Variants in AGPAT5 observed in about 807,000 individuals in gnomAD.
AGPAT5 encodes 1-acylglycerol-3-phosphate O-acyltransferase 5, also known as 1-acyl-sn-glycerol-3-phosphate acyltransferase epsilon.
In AGPAT5, 46 loss-of-function variants were observed where a neutral mutation model predicts 45.6. The ratio of observed to expected loss-of-function variants is 1.01; its 90% confidence interval spans 0.80 to 1.29. The LOEUF (loss-of-function observed/expected upper bound fraction) is 1.29. Ranked by LOEUF, AGPAT5 falls within the 50% of genes most tolerant of loss-of-function variation. The probability of loss-of-function intolerance (pLI) is 0.00; values close to 1 mark genes in which losing one functional copy is unlikely to be tolerated. For missense variants in AGPAT5, 673 were observed against 450.7 expected, an observed-to-expected ratio of 1.49 and a Z score of -4.47; for synonymous variants, 272 against 167.0, an observed-to-expected ratio of 1.63 and a Z score of -4.85.
chr8:6,743,238 T>G (rs1390543285), intron 5 of AGPAT5, among the ~76,000 whole-genome samples: 15 of 152,242 alleles, frequency 9.9e-5, no homozygotes. Flanking sequence ...AATTTCACTT[T>G]TTGTTTCTCA....
intron 1 of AGPAT5, among the ~76,000 whole-genome samples, chr8:6,720,204 G>C (rs897571065): frequency 6.6e-6 from 1 of 152,214 alleles, no homozygotes. Context: ...CAGTGATCCA[G>C]CTAACCGAGG....
At chr8:6,742,054 G>T (rs1184593052) in intron 5 of AGPAT5, among the ~76,000 whole-genome samples, 1 of 152,178 alleles carries the variant, frequency 6.6e-6, no homozygotes, top group African/African-American at 2.4e-5. Context: ...TTTTTCTACA[G>T]TGTATGGGTT....
intron 4 of AGPAT5, 92 bp from the exon 5 acceptor site, chr8:6,741,569 C>A: frequency 1.2e-6 from 1 of 805,722 alleles, no homozygotes; most frequent in Non-Finnish European, 2.0e-6. Flanking sequence ...AGGAAATACT[C>A]TGTTAGCATT....
chr8:6,711,423 A>G (rs925116793), intron 1 of AGPAT5, among the ~76,000 whole-genome samples: 5 of 152,248 alleles, frequency 3.3e-5, no homozygotes, highest in African/African-American at 1.2e-4. Context: ...AGGTCCTTCC[A>G]GAATCTCTCA....
intron 7 of AGPAT5, among the ~76,000 whole-genome samples, chr8:6,756,295 C>CA (rs1362084521): frequency 6.6e-6 from 1 of 152,086 alleles, no homozygotes; most frequent in Non-Finnish European, 1.5e-5. Context: ...ATGGATTCCA[C>CA]ATTCATGGAT....
In AGPAT5 at chr8:6,726,325, T is replaced by A. The variant is rs570504228; in HGVS notation, c.289+1386T>A. On this transcript the variant is annotated intron_variant, in intron 2 of 7. Transcript: ENST00000285518. The stretch of plus-strand genomic sequence containing the variant: ...GGGAATGGCTCTTGATAGATTTGAT[T>A]TTCCTGCATTTCCTTTATTTTGATC... Among the ~76,000 whole-genome samples the A allele has an allele frequency of 2.6e-5, 4 of 152,364 alleles. No homozygotes were observed. The South Asian group carries it at 8.3e-4, about 32-fold the overall frequency.
intron 4 of AGPAT5, among the ~76,000 whole-genome samples, chr8:6,737,419 G>C (rs12676235): frequency 6.6e-6 from 1 of 151,906 alleles, no homozygotes; most frequent in Non-Finnish European, 1.5e-5. Context: ...GTTCTTATTC[G>C]GTATTAGTAT....
At chr8:6,731,026 G>A (rs912764813) in intron 3 of AGPAT5, among the ~76,000 whole-genome samples, 200 bp downstream of exon 3, 1 of 151,738 alleles carries the variant, frequency 6.6e-6, no homozygotes, top group East Asian at 1.9e-4. Context: ...CCACCATCAT[G>A]CCCGGCTAAA....
At chr8:6,710,373 G>A (rs1165636403) in intron 1 of AGPAT5, among the ~76,000 whole-genome samples, 1 of 152,144 alleles carries the variant, frequency 6.6e-6, no homozygotes, top group African/African-American at 2.4e-5. Flanking sequence ...CCCACCGTCT[G>A]TTCAAATCAA....
intron 4 of AGPAT5, among the ~76,000 whole-genome samples, chr8:6,739,350 T>A (rs1170643880): frequency 6.6e-6 from 1 of 152,150 alleles, no homozygotes; most frequent in African/African-American, 2.4e-5. Context: ...TTCATTTTGA[T>A]TGTATTGAAG....
Position 6,747,689 on chromosome 8 carries a change from T to A in AGPAT5, c.606T>A (p.His202Gln). The change falls in exon 6 of 8, where the codon CAT (histidine) becomes CAA (glutamine). Residue 202 changes from histidine to glutamine, a missense_variant. Transcript: ENST00000285518. Reference sequence around the variant, plus strand: ...TTCTAGGCCTTGCAGTATTAAAACATGTGCTAACACCACGAATAAAGGCAA... The same window carrying A: ...TTCTAGGCCTTGCAGTATTAAAACAAGTGCTAACACCACGAATAAAGGCAA... The part of the protein sequence containing the change: ...AAQRGLAVLK[H>Q]VLTPRIKATH... The A allele has an allele frequency of 6.2e-7, 1 of 1,613,986 alleles. No individual in the cohort carries two copies.
chr8:6,716,406 C>G (rs1800330059), intron 1 of AGPAT5, among the ~76,000 whole-genome samples: 1 of 151,926 alleles, frequency 6.6e-6, no homozygotes. Flanking sequence ...CAAAAAAATA[C>G]AAACACTTAC....
intron 1 of AGPAT5, among the ~76,000 whole-genome samples, chr8:6,719,300 C>A (rs555554431): frequency 3.1e-4 from 47 of 152,190 alleles, no homozygotes; most frequent in African/African-American, 1.0e-3. Context: ...TCAGTTAGTT[C>A]AGTATGGCAA....
chr8:6,722,296 G>A (rs956414273), intron 1 of AGPAT5, among the ~76,000 whole-genome samples: 4 of 152,158 alleles, frequency 2.6e-5, no homozygotes, highest in Non-Finnish European at 5.9e-5. Context: ...TGTCTCAGGT[G>A]CCTTCAGCTC....
intron 1 of AGPAT5, among the ~76,000 whole-genome samples, chr8:6,715,865 T>G (rs1800311519): frequency 2.0e-5 from 3 of 152,220 alleles, no homozygotes; most frequent in Non-Finnish European, 4.4e-5. Flanking sequence ...TGAACATGCG[T>G]AATTAACATG....
intron 1 of AGPAT5, among the ~76,000 whole-genome samples, chr8:6,711,186 T>C (rs920922115): frequency 3.9e-5 from 6 of 152,238 alleles, no homozygotes; most frequent in African/African-American, 1.2e-4. Flanking sequence ...TTCTTTTACA[T>C]AGAATTTTTA....
chr8:6,728,230 C>G (rs1348648607), intron 2 of AGPAT5, among the ~76,000 whole-genome samples: 1 of 152,128 alleles, frequency 6.6e-6, no homozygotes, highest in East Asian at 1.9e-4. Flanking sequence ...TCTCACACAG[C>G]CAAATTTATT....
In AGPAT5 at chr8:6,757,645, T is replaced by A. The variant is rs1209653507; in HGVS notation, c.*257T>A. 3 of 348,542 alleles carry A rather than the reference T, an allele frequency of 8.6e-6. No homozygotes were observed. Among genetic ancestry groups the A allele is most frequent in the African/African-American group, 6.2e-5 (3 of 48,130 alleles). The allele number at this position is 348,542 out of a possible 1,614,324, so 21.6% of individuals were successfully genotyped here. A position where few individuals can be genotyped will look rare whatever the true frequency, so the allele number is the denominator to read the frequency against. ...TTTCTCCTGCTCTGTCCATTTCCTA[T>A]GAACTAATGACAACTTGAGAAGGCT... On this transcript the variant is annotated 3_prime_UTR_variant, in exon 8 of 8. Transcript: ENST00000285518.
chr8:6,740,325 A>T (rs977497896), intron 4 of AGPAT5, among the ~76,000 whole-genome samples: 4 of 151,908 alleles, frequency 2.6e-5, no homozygotes, highest in Admixed American at 1.3e-4. Flanking sequence ...TGGTGTTTGG[A>T]ACTAGCTTTA....
Sources: gnomAD v4.1 joint callset for allele counts (sites outside exome capture counted in the v4.1 genomes callset) on GRCh38, gnomAD v4.1.1 for gene constraint, MANE v1.5 for transcripts, NCBI Gene and HGNC (gene_info 2026-07-23, HGNC 2026-07-21) for gene names.